Variants in SLIT2 observed in about 807,000 individuals in gnomAD.
SLIT2 encodes slit guidance ligand 2.
In SLIT2, 41 loss-of-function variants were observed where a neutral mutation model predicts 185.7. The ratio of observed to expected loss-of-function variants is 0.22; its 90% CI spans 0.17 to 0.29. The LOEUF (loss-of-function observed/expected upper bound fraction) is 0.29. SLIT2 is among the 10% of genes least tolerant of loss of function. The pLI is 1.00. For synonymous variants in SLIT2, 693 were observed against 680.2 expected (o/e 1.02, Z -0.29); for missense variants, 1,571 against 1,909.0 (o/e 0.82, Z 3.30).
At chr4:20,354,662 G>T (rs1259446229) in intron 4 of SLIT2, among the ~76,000 whole-genome samples, 1 of 152,086 alleles carries the variant, frequency 6.6e-6, no homozygotes, top group Admixed American at 6.6e-5. Flanking sequence ...AATGAGCACA[G>T]CATGCTATAA....
chr4:20,346,752 A>G (rs1241783741), intron 4 of SLIT2, among the ~76,000 whole-genome samples: 1 of 152,216 alleles, frequency 6.6e-6, no homozygotes, highest in Non-Finnish European at 1.5e-5. Flanking sequence ...AGAGCCCCTG[A>G]CTATCCACTG....
intron 4 of SLIT2, among the ~76,000 whole-genome samples, chr4:20,387,186 T>C (rs2109356061): frequency 6.6e-6 from 1 of 152,304 alleles, no homozygotes; most frequent in African/African-American, 2.4e-5. Flanking sequence ...GAGCAGTACT[T>C]AACCTTTATT....
intron 29 of SLIT2, 128 bp downstream of exon 29, chr4:20,569,132 T>G: frequency 1.3e-6 from 1 of 798,040 alleles, no homozygotes; most frequent in Non-Finnish European, 2.1e-6. Context: ...GAAAATCAGA[T>G]GTAATGTAAA....
intron 4 of SLIT2, among the ~76,000 whole-genome samples, chr4:20,346,997 A>T (rs1395179285): frequency 6.6e-6 from 1 of 152,164 alleles, no homozygotes; most frequent in Non-Finnish European, 1.5e-5. Context: ...TCCTTTGGCA[A>T]CACCCTCACA....
intron 4 of SLIT2, among the ~76,000 whole-genome samples, chr4:20,270,269 G>C (rs928546073): frequency 8.6e-5 from 13 of 151,848 alleles, no homozygotes; most frequent in African/African-American, 3.1e-4. Flanking sequence ...TTCACCTTTA[G>C]TTATTGGTGA....
chr4:20,608,568 G>T (rs1728961735), intron 33 of SLIT2, among the ~76,000 whole-genome samples: 1 of 152,076 alleles, frequency 6.6e-6, no homozygotes, highest in Non-Finnish European at 1.5e-5. Flanking sequence ...CCTGAGACAG[G>T]CTATCAAAGA....
Position 20,256,892 on chromosome 4 carries a change from C to T in SLIT2, c.251+149C>T, listed in dbSNP as rs575212523. ...CCTTTTTTCTGTGTTTATCATTGTA[C>T]TACAACATTTAATAAAAATTGGGGC... On this transcript the variant is annotated intron_variant, in intron 2 of 36. Transcript: ENST00000504154. The T allele has an allele frequency of 1.0e-5, 5 of 493,782 alleles. No homozygotes were observed. In the East Asian group the frequency reaches 1.3e-4, roughly 13 times the overall value. The allele number at this position is 493,782 out of a possible 1,614,324, so 30.6% of individuals were successfully genotyped here.
rs1267064568 is a variant in SLIT2 at position 20,511,094 on chromosome 4, C to G, written c.1015C>G (p.Leu339Val). 1 of 1,607,268 alleles carries G rather than the reference C, an allele frequency of 6.2e-7. No individual in the cohort carries two copies. Among genetic ancestry groups the G allele is most frequent in the Middle Eastern group, 1.7e-4 (1 of 6,044 alleles). ...IDLSNNQISE[L>V]APDAFQGLRS... ...CCTGAGCAATAATCAGATCTCTGAA[C>G]TTGCACCAGATGCTTTCCAAGGACT... Residue 339 changes from leucine to valine, a missense_variant, in exon 11 of 37, where the codon CTT (leucine) becomes GTT (valine). Physicochemically the swap from Leu to Val is conservative, Grantham distance 32. Transcript: ENST00000504154.
At chr4:20,580,006 TATATA>T (rs1301157306) in intron 29 of SLIT2, among the ~76,000 whole-genome samples, 13 of 144,944 alleles carry the variant, frequency 9.0e-5, no homozygotes, top group South Asian at 2.1e-4. Context: ...TAATATATCA[TATATA>T]ATATATTATT....
intron 28 of SLIT2, among the ~76,000 whole-genome samples, 172 bp downstream of exon 28, chr4:20,567,787 G>C (rs995910844): frequency 1.3e-5 from 2 of 151,994 alleles, no homozygotes; most frequent in Non-Finnish European, 2.9e-5. Context: ...AATAAATGGA[G>C]ACACTACAGC....
At chr4:20,553,584 T>C (rs1324694382) in intron 25 of SLIT2, among the ~76,000 whole-genome samples, 1 of 152,228 alleles carries the variant, frequency 6.6e-6, no homozygotes, top group Non-Finnish European at 1.5e-5. Context: ...GACAACTCAC[T>C]AAATCCCAGT....
intron 12 of SLIT2, among the ~76,000 whole-genome samples, chr4:20,521,555 C>CT (rs1720841890): frequency 1.3e-5 from 2 of 152,206 alleles, no homozygotes; most frequent in Non-Finnish European, 2.9e-5. Flanking sequence ...TGTTTGCTCT[C>CT]TAACTGCTTC....
intron 9 of SLIT2, among the ~76,000 whole-genome samples, chr4:20,494,779 A>G (rs1234642253): frequency 6.9e-6 from 1 of 145,778 alleles, no homozygotes; most frequent in Non-Finnish European, 1.5e-5. Flanking sequence ...CTCCGTCTCA[A>G]AAAAAAAAAA....
intron 9 of SLIT2, among the ~76,000 whole-genome samples, chr4:20,504,946 GA>G (rs5856563): frequency 0.3 from 45,626 of 151,372 alleles, 7,289 homozygotes; most frequent in East Asian, 0.47. Flanking sequence ...AGGCATATAG[GA>G]AAAAAAAGTG....
intron 4 of SLIT2, among the ~76,000 whole-genome samples, chr4:20,467,490 C>T (rs370642827): frequency 3.9e-5 from 6 of 152,018 alleles, no homozygotes; most frequent in South Asian, 2.1e-4. Context: ...CTTAAATTTA[C>T]GAGTACCATA....
At chr4:20,402,331 A>G (rs1471810624) in intron 4 of SLIT2, among the ~76,000 whole-genome samples, 5 of 151,950 alleles carry the variant, frequency 3.3e-5, no homozygotes, top group Admixed American at 2.0e-4. Flanking sequence ...AATAAAAAAC[A>G]AAGTTGATTT....
intron 3 of SLIT2, among the ~76,000 whole-genome samples, chr4:20,268,500 T>G (rs2109027848): frequency 6.6e-6 from 1 of 152,020 alleles, no homozygotes; most frequent in Admixed American, 6.6e-5. Flanking sequence ...GTCACCTACC[T>G]TAGGCGCCTA....
chr4:20,355,059 A>G lies in SLIT2; in HGVS notation c.395+86178A>G, dbSNP rs891830339. On this transcript the variant is annotated intron_variant, in intron 4 of 36. Coordinates refer to ENST00000504154, the MANE Select transcript of SLIT2 (RefSeq NM_004787.4). Reference sequence around the variant, plus strand: ...AAATGATTTGAAATATGTTTTCCTAATTTTCGTGTTGATTAAAGTTATCAA... The same window carrying G: ...AAATGATTTGAAATATGTTTTCCTAGTTTTCGTGTTGATTAAAGTTATCAA... Among the ~76,000 whole-genome samples, 3 of 151,700 alleles carry G rather than the reference A, an allele frequency of 2.0e-5. No individual in the cohort carries two copies. In the East Asian group the frequency reaches 5.8e-4, roughly 29 times the overall value.
chr4:20,579,800 G>A (rs57414690), intron 29 of SLIT2, among the ~76,000 whole-genome samples: 4,700 of 151,192 alleles, frequency 0.031, 253 homozygotes, highest in African/African-American at 0.1. Context: ...TAACTCTCAT[G>A]GACCATATAC....
Sources: allele counts gnomAD v4.1 joint callset (sites outside exome capture counted in the v4.1 genomes callset), GRCh38; gene constraint gnomAD v4.1.1; transcripts MANE v1.5; gene names NCBI Gene and HGNC (gene_info 2026-07-23, HGNC 2026-07-21).